Variants in GTF2A1 observed in about 807,000 individuals in gnomAD.
GTF2A1 encodes the protein general transcription factor IIA subunit 1, also known as transcription initiation factor IIA subunit 1.
GTF2A1 carries 12 observed loss-of-function variants against 54.1 expected under a neutral mutation model. The ratio of observed to expected loss-of-function variants is 0.22; its 90% CI spans 0.14 to 0.36. The LOEUF (loss-of-function observed/expected upper bound fraction) is 0.36, where lower values mean the gene tolerates loss of function less well. GTF2A1 is among the 10% of genes least tolerant of loss of function. The pLI is 1.00. For missense variants in GTF2A1, 335 were observed against 442.2 expected, an observed-to-expected ratio of 0.76 and a Z score of 2.17; for synonymous variants, 145 against 152.0, an observed-to-expected ratio of 0.95 and a Z score of 0.34.
intron 7 of GTF2A1, among the ~76,000 whole-genome samples, chr14:81,191,399 C>A (rs1892873948): frequency 6.6e-6 from 1 of 152,060 alleles, no homozygotes; most frequent in African/African-American, 2.4e-5. Flanking sequence ...TAACAGTAAA[C>A]AACAAGAAAC....
In GTF2A1 at chr14:81,220,641, T is replaced by C. The variant is rs539398343; in HGVS notation, c.-123A>G. 4.5e-6 allele frequency: 3 copies of C among 671,990 alleles called. No individual in the cohort carries two copies. Among genetic ancestry groups the C allele is most frequent in the African/African-American group, 2.1e-5 (1 of 48,232 alleles). 41.6% of individuals were successfully genotyped at this position (671,990 alleles called of 1,614,324 possible). On this transcript the variant is annotated 5_prime_UTR_variant, in exon 1 of 9. Coordinates refer to ENST00000553612, the MANE Select transcript of GTF2A1 (RefSeq NM_015859.4). ...AATCACCGCAAGATTGGGGAAAAAA[T>C]TTTAAACAAAATCAATCCTGAAGGA...
At chr14:81,182,821 G>A (rs1460499077) in intron 8 of GTF2A1, among the ~76,000 whole-genome samples, 3 of 151,852 alleles carry the variant, frequency 2.0e-5, no homozygotes, top group African/African-American at 4.8e-5. Flanking sequence ...ACCTACTACT[G>A]TACTCTCCTC....
chr14:81,185,330 T>A (rs769867692), intron 8 of GTF2A1, among the ~76,000 whole-genome samples: 14 of 152,196 alleles, frequency 9.2e-5, no homozygotes, highest in Non-Finnish European at 1.6e-4. Flanking sequence ...TCATAACTTA[T>A]TTTTCAAACA....
chr14:81,188,324 G>T (rs1170102891), intron 7 of GTF2A1, among the ~76,000 whole-genome samples: 3 of 152,170 alleles, frequency 2.0e-5, no homozygotes, highest in Admixed American at 2.0e-4. Flanking sequence ...AGATGCTGAG[G>T]CTGCAGTGAG....
intron 2 of GTF2A1, among the ~76,000 whole-genome samples, chr14:81,211,392 C>T (rs1893360596): frequency 6.6e-6 from 1 of 152,198 alleles, no homozygotes; most frequent in Non-Finnish European, 1.5e-5. Flanking sequence ...CTGTTACCTT[C>T]CTGCTTACTG....
chr14:81,208,493 G>A (rs943046220), intron 2 of GTF2A1, among the ~76,000 whole-genome samples: 12 of 152,222 alleles, frequency 7.9e-5, no homozygotes, highest in African/African-American at 2.9e-4. Flanking sequence ...GAAGAGAAAT[G>A]TGGGGTCGGA....
intron 7 of GTF2A1, among the ~76,000 whole-genome samples, chr14:81,186,300 G>A (rs1197825377): frequency 6.6e-6 from 1 of 152,200 alleles, no homozygotes; most frequent in African/African-American, 2.4e-5. Flanking sequence ...AGAAAACAGT[G>A]GAGAAATTAG....
At chr14:81,193,441 G>A (rs886435094) in intron 6 of GTF2A1, among the ~76,000 whole-genome samples, 6 of 152,102 alleles carry the variant, frequency 3.9e-5, no homozygotes, top group Non-Finnish European at 7.4e-5. Flanking sequence ...TTACAGGCGT[G>A]AGCCACAACG....
chr14:81,207,331 T>C (rs182759713), intron 2 of GTF2A1, among the ~76,000 whole-genome samples: 1 of 152,238 alleles, frequency 6.6e-6, no homozygotes, highest in East Asian at 1.9e-4. Context: ...TCTGATGGGT[T>C]TATCAGGTGT....
chr14:81,204,337 T>TA (rs746768607), intron 2 of GTF2A1: 55 of 649,410 alleles, frequency 8.5e-5, no homozygotes, highest in African/African-American at 7.0e-4. Flanking sequence ...TTCTTTTTTT[T>TA]ATCTTCCAAT....
chr14:81,196,281 AG>A (rs1359563053), intron 5 of GTF2A1, 40 bp from the exon 6 acceptor site: 1 of 1,607,236 alleles, frequency 6.2e-7, no homozygotes, highest in Non-Finnish European at 8.5e-7. Context: ...TCATTTTAGC[AG>A]TGACCATCTC....
At chr14:81,195,935 T>C (rs1892983086) in intron 6 of GTF2A1, among the ~76,000 whole-genome samples, 173 bp downstream of exon 6, 1 of 152,182 alleles carries the variant, frequency 6.6e-6, no homozygotes, top group East Asian at 1.9e-4. Context: ...GTTTAATACA[T>C]GTTTAATACA....
intron 3 of GTF2A1, among the ~76,000 whole-genome samples, chr14:81,203,389 C>T (rs911280972): frequency 6.6e-6 from 1 of 152,086 alleles, no homozygotes; most frequent in African/African-American, 2.4e-5. Context: ...ACATAAATTC[C>T]TATGGAGCTG....
Position 81,220,688 on chromosome 14 carries a change from A to T in GTF2A1, c.-170T>A, listed in dbSNP as rs1328578870. ...AGGAGTAGGGGAGAGCGGAGAGAGG[A>T]GGAGGAGGGGGGCACTCCTCCCGCA... On this transcript the variant is annotated 5_prime_UTR_variant, in exon 1 of 9. Transcript: ENST00000553612. 6.9e-6 allele frequency: 2 copies of T among 289,472 alleles called. No homozygotes were observed. Among genetic ancestry groups the T allele is most frequent in the African/African-American group, 2.3e-5 (1 of 43,208 alleles). The allele number at this position is 289,472 out of a possible 1,614,324, so 17.9% of individuals were successfully genotyped here.
chr14:81,193,387 G>A (rs2288497), intron 6 of GTF2A1, among the ~76,000 whole-genome samples: 61,024 of 151,878 alleles, frequency 0.4, 14,192 homozygotes, highest in Middle Eastern at 0.55. Context: ...GGCTGGTCTC[G>A]AACTCACGAC....
At chr14:81,220,403 A>T in intron 1 of GTF2A1, 86 bp downstream of exon 1, 2 of 870,228 alleles carry the variant, frequency 2.3e-6, no homozygotes, top group Non-Finnish European at 3.4e-6. Context: ...CGAGGCCGGG[A>T]GTCGCCGCCG....
intron 8 of GTF2A1, among the ~76,000 whole-genome samples, chr14:81,181,633 C>G (rs112975173): frequency 2.0e-5 from 3 of 152,202 alleles, no homozygotes; most frequent in African/African-American, 4.8e-5. Context: ...CAACCTCCCC[C>G]TCCCAGGTTC....
chr14:81,220,431 T>C, intron 1 of GTF2A1, 58 bp downstream of exon 1: 3 of 1,291,040 alleles, frequency 2.3e-6, no homozygotes, highest in Non-Finnish European at 2.1e-6. Flanking sequence ...CCCCGCCCGG[T>C]CCGGCCGTTG....
intron 2 of GTF2A1, among the ~76,000 whole-genome samples, chr14:81,212,000 A>G (rs2140039523): frequency 6.6e-6 from 1 of 150,976 alleles, no homozygotes; most frequent in Admixed American, 6.6e-5. Context: ...TTTTGGTTAC[A>G]ACTGAAGAGT....
Sources: allele counts gnomAD v4.1 joint callset (sites outside exome capture counted in the v4.1 genomes callset), GRCh38; gene constraint gnomAD v4.1.1; transcripts MANE v1.5; gene names NCBI Gene and HGNC (gene_info 2026-07-23, HGNC 2026-07-21).